The following MGLL variants were observed in gnomAD, a reference collection of about 807,000 sequenced individuals.
The protein encoded by MGLL is lysophospholipase homolog.
In MGLL, 7 loss-of-function variants were observed where a neutral mutation model predicts 29.1. The ratio of observed to expected loss-of-function variants is 0.24; its 90% CI spans 0.14 to 0.45. The LOEUF is 0.45. Among genes scored for constraint, MGLL ranks in the 20% least tolerant of loss-of-function variants. The probability of loss-of-function intolerance (pLI) is 0.99; values close to 1 mark genes in which losing one functional copy is unlikely to be tolerated. For missense variants in MGLL, 356 were observed against 413.6 expected (o/e 0.86, Z 1.21); for synonymous variants, 148 against 168.3 (o/e 0.88, Z 0.93).
intron 2 of MGLL, among the ~76,000 whole-genome samples, chr3:127,788,667 A>G (rs116089496): frequency 0.012 from 1,754 of 151,570 alleles, 42 homozygotes; most frequent in South Asian, 0.096. Context: ...CCCTCTGCGC[A>G]CTCCGCAGTC....
intron 3 of MGLL, among the ~76,000 whole-genome samples, chr3:127,755,804 T>G (rs559889516): frequency 5.9e-5 from 9 of 152,370 alleles, no homozygotes; most frequent in Admixed American, 5.9e-4. Flanking sequence ...TCTATGACTA[T>G]TGTTTGTAGA....
At chr3:127,756,939 T>C (rs776694007) in intron 3 of MGLL, among the ~76,000 whole-genome samples, 5 of 152,234 alleles carry the variant, frequency 3.3e-5, no homozygotes, top group Non-Finnish European at 7.3e-5. Context: ...TCCATGTTTC[T>C]TGCCATACAT....
intron 3 of MGLL, among the ~76,000 whole-genome samples, chr3:127,778,872 C>A (rs1340162965): frequency 7.1e-6 from 1 of 141,254 alleles, no homozygotes; most frequent in African/African-American, 2.5e-5. Context: ...CCACTTCAGC[C>A]TCCTAAGTAG....
chr3:127,767,638 T>C (rs1559956761), intron 3 of MGLL, among the ~76,000 whole-genome samples: 1 of 152,210 alleles, frequency 6.6e-6, no homozygotes, highest in East Asian at 1.9e-4. Context: ...CTCTGTTCCA[T>C]AAGAGTGTAA....
intron 7 of MGLL, among the ~76,000 whole-genome samples, chr3:127,693,473 C>T (rs2075287536): frequency 6.6e-6 from 1 of 152,168 alleles, no homozygotes; most frequent in Admixed American, 6.5e-5. Context: ...CACCAGCGTC[C>T]CTGACTGGTG....
At chr3:127,783,456 C>A (rs972073008) in intron 2 of MGLL, among the ~76,000 whole-genome samples, 3 of 152,154 alleles carry the variant, frequency 2.0e-5, no homozygotes, top group African/African-American at 7.2e-5. Context: ...CAGCCCACAA[C>A]CTTCTGAGGA....
At chr3:127,781,990 G>A (rs1400741570) in intron 2 of MGLL, 95 bp from the exon 3 acceptor site, 10 of 1,157,768 alleles carry the variant, frequency 8.6e-6, no homozygotes, top group Non-Finnish European at 1.1e-5. Context: ...GGAGGCCGGG[G>A]CGGGCGGATT....
chr3:127,746,828 G>A (rs2076454757), intron 3 of MGLL, among the ~76,000 whole-genome samples: 1 of 151,798 alleles, frequency 6.6e-6, no homozygotes, highest in Admixed American at 6.6e-5. Flanking sequence ...CTCCAGCCCA[G>A]TGCATTCCAC....
intron 5 of MGLL, 51 bp downstream of exon 5, chr3:127,721,002 C>T: frequency 1.3e-6 from 2 of 1,488,280 alleles, no homozygotes; most frequent in Non-Finnish European, 1.9e-6. Flanking sequence ...AATGGAAGAC[C>T]CATGTCCCGG....
chr3:127,749,681 A>G lies in MGLL; in HGVS notation c.263-27115T>C, dbSNP rs150588406. ...CCTTATACACACCCCTCATGACAAG[A>G]TCAGTACAGATCTTTGTCATGGTGG... On this transcript the variant is annotated intron_variant, in intron 3 of 7. Transcript: ENST00000265052. 6.7e-3 allele frequency among the ~76,000 whole-genome samples: 1,013 copies of G among 152,254 alleles called. 12 individuals are homozygous for G. Among genetic ancestry groups the G allele is most frequent in the African/African-American group, 0.022 (934 of 41,530 alleles).
chr3:127,795,680 A>C (rs535243110), intron 2 of MGLL, among the ~76,000 whole-genome samples: 2 of 151,356 alleles, frequency 1.3e-5, no homozygotes, highest in African/African-American at 4.8e-5. Flanking sequence ...AGGAGGAGTA[A>C]TTAATGTTCC....
At position 127,794,464 on chromosome 3, in the gene MGLL, G is replaced by A. The variant is rs142731324; in HGVS notation, c.156-12569C>T. On this transcript the variant is annotated intron_variant, in intron 2 of 7. Transcript: ENST00000265052. The stretch of plus-strand genomic sequence containing the variant: ...ATGATGTAAGGATGTCTTATATGAT[G>A]TAAGGCTGTCTTCTATGACATCAGA... 3.5e-3 allele frequency among the ~76,000 whole-genome samples: 529 copies of A among 152,194 alleles called. 2 individuals are homozygous for A. Among genetic ancestry groups the A allele is most frequent in the African/African-American group, 0.012 (489 of 41,542 alleles).
At chr3:127,735,867 C>A (rs2076233270) in intron 3 of MGLL, 2 of 1,587,396 alleles carry the variant, frequency 1.3e-6, no homozygotes, top group South Asian at 2.2e-5. Context: ...ATCTCTCCCA[C>A]TTACAAGGAT....
At chr3:127,795,923 C>A (rs947847843) in intron 2 of MGLL, among the ~76,000 whole-genome samples, 35 of 152,306 alleles carry the variant, frequency 2.3e-4, no homozygotes, top group African/African-American at 7.9e-4. Flanking sequence ...CTTCCAGGTT[C>A]TTTTCCAAAT....
rs1346541641 is a variant in MGLL, at chr3:127,761,321, G to A, written c.262+20468C>T. Among the ~76,000 whole-genome samples, 2 of 152,134 alleles carry A rather than the reference G, an allele frequency of 1.3e-5. No individual in the cohort carries two copies. Among genetic ancestry groups the A allele is most frequent in the Non-Finnish European group, 2.9e-5 (2 of 67,956 alleles). On this transcript the variant is annotated intron_variant, in intron 3 of 7. Transcript: ENST00000265052. The surrounding 1 kb of genome is among the most constrained non-coding windows in gnomAD (Gnocchi z 4.6). Reference sequence around the variant, plus strand: ...GCAAACTGGCTTCTCCCCTGCTGCTGTGTCTTGTTAGAGCCACCGTGTTGT... The same window carrying A: ...GCAAACTGGCTTCTCCCCTGCTGCTATGTCTTGTTAGAGCCACCGTGTTGT...
intron 2 of MGLL, among the ~76,000 whole-genome samples, chr3:127,807,981 C>T (rs969432633): frequency 4.6e-5 from 7 of 151,962 alleles, no homozygotes; most frequent in Non-Finnish European, 8.8e-5. Context: ...AGGATGGTCT[C>T]GATCTCCTGA....
At chr3:127,775,737 G>C (rs545441201) in intron 3 of MGLL, among the ~76,000 whole-genome samples, 1 of 152,340 alleles carries the variant, frequency 6.6e-6, no homozygotes, top group East Asian at 1.9e-4. Context: ...TCCTGGAGCC[G>C]AGAGTGCGTG....
Position 127,759,169 on chromosome 3 carries a change from C to G in MGLL, c.262+22620G>C, listed in dbSNP as rs141992261. On this transcript the variant is annotated intron_variant, in intron 3 of 7. Transcript: ENST00000265052. The stretch of plus-strand genomic sequence containing the variant: ...TGAACTCCTGACCTCAAGTGATCAA[C>G]CTGCCTCGGTCTCCCAAAGTGCTGG... Among the ~76,000 whole-genome samples the G allele has an allele frequency of 4.9e-3, 747 of 152,296 alleles. 6 individuals are homozygous for G. Among genetic ancestry groups the G allele is most frequent in the Middle Eastern group, 0.017 (5 of 294 alleles).
At chr3:127,734,109 G>A (rs1420681522) in intron 3 of MGLL, among the ~76,000 whole-genome samples, 1 of 152,178 alleles carries the variant, frequency 6.6e-6, no homozygotes, top group African/African-American at 2.4e-5. Context: ...TAATTCTGGA[G>A]CCCACCCCCT....
Sources: allele counts gnomAD v4.1 joint callset (sites outside exome capture counted in the v4.1 genomes callset), GRCh38; gene constraint gnomAD v4.1.1; non-coding constraint Gnocchi (gnomAD v3.1); transcripts MANE v1.5; gene names NCBI Gene and HGNC (gene_info 2026-07-23, HGNC 2026-07-21).